HPSE2: variants seen among roughly 807,000 people sequenced by gnomAD.
The protein encoded by HPSE2 is inactive heparanase-2.
Under a neutral mutation model 60.5 loss-of-function variants are expected in HPSE2, and 38 were observed. That is an observed-to-expected ratio of 0.63 (90% CI 0.48 to 0.82). The LOEUF (loss-of-function observed/expected upper bound fraction) is 0.82. Among genes scored for constraint, HPSE2 ranks in the 40% least tolerant of loss-of-function variants. HPSE2 has a pLI of 0.00. For missense variants in HPSE2, 713 were observed against 740.4 expected (o/e 0.96, Z 0.43); for synonymous variants, 295 against 293.2 (o/e 1.01, Z -0.06).
chr10:98,860,251 A>G (rs1952424021), intron 3 of HPSE2, among the ~76,000 whole-genome samples: 1 of 152,226 alleles, frequency 6.6e-6, no homozygotes, highest in Admixed American at 6.5e-5. Flanking sequence ...GCAAAAGCCA[A>G]TATCATTTAA....
At chr10:98,607,967 A>G (rs1394755232) in intron 9 of HPSE2, among the ~76,000 whole-genome samples, 1 of 152,240 alleles carries the variant, frequency 6.6e-6, no homozygotes, top group Non-Finnish European at 1.5e-5. Flanking sequence ...AAATAATAAT[A>G]GTGATTAACA....
intron 9 of HPSE2, among the ~76,000 whole-genome samples, chr10:98,606,936 A>G (rs1050934593): frequency 4.6e-5 from 7 of 152,198 alleles, no homozygotes; most frequent in African/African-American, 1.7e-4. Flanking sequence ...GTTTGCCAAT[A>G]TAGTCTTTAA....
intron 3 of HPSE2, among the ~76,000 whole-genome samples, chr10:98,795,058 A>AGGAAGGAAGGAAGGAAGGAG (rs1167083717): frequency 6.6e-6 from 1 of 150,424 alleles, no homozygotes; most frequent in African/African-American, 2.4e-5. Context: ...GAAGGAAGGA[A>AGGAAGGAAGGAAGGAAGGAG]GGAAGGAAAG....
chr10:98,856,316 T>A (rs1032757382), intron 3 of HPSE2, among the ~76,000 whole-genome samples: 1 of 152,166 alleles, frequency 6.6e-6, no homozygotes, highest in Admixed American at 6.6e-5. Context: ...CAATTATAAT[T>A]AACATGTTAA....
At chr10:99,022,254 A>G (rs924343490) in intron 3 of HPSE2, among the ~76,000 whole-genome samples, 5 of 151,764 alleles carry the variant, frequency 3.3e-5, no homozygotes, top group African/African-American at 1.2e-4. Flanking sequence ...AGAAAAGAAA[A>G]CTGGACCAAA....
At chr10:98,815,295 T>C (rs748614623) in intron 3 of HPSE2, among the ~76,000 whole-genome samples, 1 of 152,080 alleles carries the variant, frequency 6.6e-6, no homozygotes, top group Non-Finnish European at 1.5e-5. Flanking sequence ...AAAAATCAGT[T>C]TGAAGGCATC....
At chr10:99,048,997 A>G (rs1250340133) in intron 3 of HPSE2, among the ~76,000 whole-genome samples, 1 of 152,210 alleles carries the variant, frequency 6.6e-6, no homozygotes, top group Non-Finnish European at 1.5e-5. Flanking sequence ...CAAGAACCAT[A>G]TATTTTCACT....
intron 2 of HPSE2, among the ~76,000 whole-genome samples, chr10:99,168,760 G>A (rs1280605240): frequency 6.6e-6 from 1 of 152,276 alleles, no homozygotes; most frequent in East Asian, 1.9e-4. Context: ...GTGCTGGTTA[G>A]AATCTCTGGT....
intron 6 of HPSE2, among the ~76,000 whole-genome samples, chr10:98,651,813 C>A (rs1015118003): frequency 6.6e-6 from 1 of 151,170 alleles, no homozygotes; most frequent in Non-Finnish European, 1.5e-5. Context: ...CGCTCTGTCA[C>A]CCAGGCTGGA....
the HPSE2 span, among the ~76,000 whole-genome samples, chr10:99,276,181 T>C: frequency 6.6e-6 from 1 of 152,222 alleles, no homozygotes; most frequent in Non-Finnish European, 1.5e-5. Flanking sequence ...AAATACAATA[T>C]TCGTTGGAAC....
the HPSE2 span, among the ~76,000 whole-genome samples, chr10:99,294,962 C>A: frequency 6.6e-6 from 1 of 151,490 alleles, no homozygotes; most frequent in Admixed American, 6.6e-5. Context: ...TCTCAAAACA[C>A]ACACACATTT....
chr10:99,107,859 AACACT>A (rs927268007), intron 3 of HPSE2, among the ~76,000 whole-genome samples: 5 of 152,248 alleles, frequency 3.3e-5, no homozygotes, highest in Admixed American at 3.3e-4. Context: ...GAAGAAAATG[AACACT>A]AAGTATTTCC....
chr10:98,817,186 T>C (rs1354025634), intron 3 of HPSE2, among the ~76,000 whole-genome samples: 1 of 152,164 alleles, frequency 6.6e-6, no homozygotes, highest in African/African-American at 2.4e-5. Flanking sequence ...TTCCTATTAT[T>C]TGGAAATTTT....
intron 3 of HPSE2, among the ~76,000 whole-genome samples, chr10:98,994,675 G>T (rs1345002891): frequency 6.6e-6 from 1 of 152,142 alleles, no homozygotes; most frequent in Non-Finnish European, 1.5e-5. Context: ...GCTCAGTATT[G>T]AATTCTCAGG....
At chr10:99,029,184 G>C (rs1957442913) in intron 3 of HPSE2, among the ~76,000 whole-genome samples, 1 of 152,120 alleles carries the variant, frequency 6.6e-6, no homozygotes, top group Non-Finnish European at 1.5e-5. Context: ...AATCAATAAA[G>C]TGAAGAGACA....
chr10:99,122,571 T>C (rs1844999323), intron 3 of HPSE2, among the ~76,000 whole-genome samples: 1 of 150,984 alleles, frequency 6.6e-6, no homozygotes, highest in Non-Finnish European at 1.5e-5. Flanking sequence ...AAATTCACTC[T>C]CAATAAAACT....
intron 3 of HPSE2, among the ~76,000 whole-genome samples, chr10:99,052,474 G>T (rs1299253272): frequency 6.6e-6 from 1 of 150,508 alleles, no homozygotes; most frequent in Non-Finnish European, 1.5e-5. Flanking sequence ...CTCAAAAAGA[G>T]AAAAGTATGA....
chr10:98,629,812 T>C (rs951708196), intron 7 of HPSE2, among the ~76,000 whole-genome samples: 2 of 152,196 alleles, frequency 1.3e-5, no homozygotes, highest in Non-Finnish European at 2.9e-5. Flanking sequence ...TTTCAGATAC[T>C]ATTGAAAACA....
intron 3 of HPSE2, chr10:99,013,933 C>T (rs996325375): frequency 1.6e-5 from 7 of 430,588 alleles, no homozygotes; most frequent in Admixed American, 5.3e-5. Flanking sequence ...TCTCCATATC[C>T]TGGTGAAGAG....
Sources: gnomAD v4.1 joint callset for allele counts (sites outside exome capture counted in the v4.1 genomes callset) on GRCh38, gnomAD v4.1.1 for gene constraint, MANE v1.5 for transcripts, NCBI Gene and HGNC (gene_info 2026-07-23, HGNC 2026-07-21) for gene names.